Variants in MDGA2 observed in about 807,000 individuals in gnomAD.
The protein encoded by MDGA2 is MAM domain-containing glycosylphosphatidylinositol anchor protein 2.
Under a neutral mutation model 117.8 loss-of-function variants are expected in MDGA2, and 40 were observed. The observed-to-expected ratio is 0.34, with a 90% CI of 0.26 to 0.44. The LOEUF (loss-of-function observed/expected upper bound fraction) is 0.44. MDGA2 is among the 20% of genes least tolerant of loss of function. The probability of loss-of-function intolerance (pLI) is 1.00; values close to 1 mark genes in which losing one functional copy is unlikely to be tolerated. For synonymous variants in MDGA2, 452 were observed against 439.0 expected (o/e 1.03, Z -0.37); for missense variants, 1,123 against 1,250.6 (o/e 0.90, Z 1.54).
At chr14:47,065,509 G>C (rs1459730396) in intron 6 of MDGA2, among the ~76,000 whole-genome samples, 3 of 152,144 alleles carry the variant, frequency 2.0e-5, no homozygotes, top group Non-Finnish European at 4.4e-5. Context: ...GCTTGAAAGA[G>C]GGAACATTGC....
At position 47,457,838 on chromosome 14, in the gene MDGA2, T is replaced by C. The variant is rs563978010; in HGVS notation, c.281-156288A>G. 9.9e-5 allele frequency among the ~76,000 whole-genome samples: 15 copies of C among 151,434 alleles called. No individual in the cohort carries two copies. The East Asian group carries it at 2.9e-3, about 29-fold the overall frequency. ...TTTTTTTTTTTTGTTTGTTTATTTG[T>C]TTGTTTAACTTTTATTATTTTTCTA... On this transcript the variant is annotated intron_variant, in intron 1 of 16. Transcript: ENST00000399232.
intron 2 of MDGA2, among the ~76,000 whole-genome samples, chr14:47,288,631 G>T (rs72682117): frequency 0.091 from 13,839 of 151,966 alleles, 776 homozygotes; most frequent in Non-Finnish European, 0.11. Flanking sequence ...ACAAGAAGCA[G>T]AAAAAGGAAG....
Position 47,218,032 on chromosome 14 carries a change from A to G in MDGA2, c.584T>C (p.Val195Ala), listed in dbSNP as rs1190584792. 1 of 1,548,496 alleles carries G rather than the reference A, an allele frequency of 6.5e-7. No individual in the cohort carries two copies. Among genetic ancestry groups the G allele is most frequent in the Non-Finnish European group, 8.7e-7 (1 of 1,145,342 alleles). ...GAAAATTTACTTACAGTATACATCC[A>G]CTCTGATTGACTTTATCGCTGGAGA... Reference protein sequence around the residue: ...LGSPAIKSIRVDVYYLDDPVV... With the variant: ...LGSPAIKSIRADVYYLDDPVV... Residue 195 changes from valine (V) to alanine (A), a missense_variant, in exon 3 of 17, where the codon GTG becomes GCG. Transcript: ENST00000399232.
At chr14:47,089,844 T>G (rs747564892) in intron 6 of MDGA2, among the ~76,000 whole-genome samples, 1 of 117,708 alleles carries the variant, frequency 8.5e-6, no homozygotes, top group Non-Finnish European at 1.7e-5. Flanking sequence ...CCCGGCCTTC[T>G]GTTTTACTTC....
intron 3 of MDGA2, among the ~76,000 whole-genome samples, chr14:47,156,281 G>C (rs1273780900): frequency 1.3e-5 from 2 of 152,126 alleles, no homozygotes; most frequent in East Asian, 3.9e-4. Flanking sequence ...TTCTAGGCTA[G>C]AAAACTTAAA....
At position 47,464,535 on chromosome 14, in the gene MDGA2, A is replaced by G. The variant is rs150259234; in HGVS notation, c.281-162985T>C. Among the ~76,000 whole-genome samples the G allele has an allele frequency of 3.5e-4, 53 of 152,238 alleles. No individual in the cohort carries two copies. The East Asian group carries it at 9.1e-3, about 26-fold the overall frequency. Reference sequence around the variant, plus strand: ...AAATCATCAGCCTGCCTATGCATCAACAACAGCCAAATGAGAGCGAAATCA... The same window carrying G: ...AAATCATCAGCCTGCCTATGCATCAGCAACAGCCAAATGAGAGCGAAATCA... On this transcript the variant is annotated intron_variant, in intron 1 of 16. Coordinates refer to ENST00000399232, the MANE Select transcript of MDGA2 (RefSeq NM_001113498.3).
At chr14:47,383,343 A>T (rs570967306) in intron 1 of MDGA2, among the ~76,000 whole-genome samples, 1 of 152,240 alleles carries the variant, frequency 6.6e-6, no homozygotes, top group African/African-American at 2.4e-5. Context: ...CTTAAAGTAC[A>T]ATTAAAAAAA....
chr14:46,988,984 A>T (rs539328934), intron 8 of MDGA2, among the ~76,000 whole-genome samples: 1 of 152,044 alleles, frequency 6.6e-6, no homozygotes, highest in East Asian at 1.9e-4. Context: ...AAGAAAGCAT[A>T]TCCATGGCAT....
chr14:47,493,195 T>C (rs904694192), intron 1 of MDGA2, among the ~76,000 whole-genome samples: 3 of 151,514 alleles, frequency 2.0e-5, no homozygotes, highest in Non-Finnish European at 2.9e-5. Context: ...AGCCATCCAG[T>C]TATTCCCCAT....
chr14:47,648,911 A>AT (rs1218586001), intron 1 of MDGA2, among the ~76,000 whole-genome samples: 1 of 152,172 alleles, frequency 6.6e-6, no homozygotes, highest in African/African-American at 2.4e-5. Flanking sequence ...GAGAAGAGAT[A>AT]ATACATTTTT....
At chr14:47,380,191 T>A (rs965609062) in intron 1 of MDGA2, among the ~76,000 whole-genome samples, 21 of 152,214 alleles carry the variant, frequency 1.4e-4, no homozygotes, top group Middle Eastern at 3.4e-3. Context: ...AGACACAACA[T>A]ACGAGAACCT....
chr14:47,214,085 G>A (rs562434767), intron 3 of MDGA2, among the ~76,000 whole-genome samples: 197 of 152,182 alleles, frequency 1.3e-3, no homozygotes, highest in Non-Finnish European at 2.2e-3. Flanking sequence ...CTGCATGGAA[G>A]AGACCACCTG....
At chr14:47,612,994 T>G (rs1459329671) in intron 1 of MDGA2, among the ~76,000 whole-genome samples, 1 of 152,186 alleles carries the variant, frequency 6.6e-6, no homozygotes, top group Non-Finnish European at 1.5e-5. Context: ...TTTCTTTCCC[T>G]TATTGCGGGT....
intron 8 of MDGA2, among the ~76,000 whole-genome samples, chr14:46,960,929 T>A (rs111257475): frequency 0.11 from 16,026 of 143,686 alleles, 1,598 homozygotes; most frequent in African/African-American, 0.25. Flanking sequence ...TATACATATA[T>A]GTGTATGCGT....
At chr14:47,500,810 T>TA (rs902616038) in intron 1 of MDGA2, among the ~76,000 whole-genome samples, 2 of 152,000 alleles carry the variant, frequency 1.3e-5, no homozygotes, top group Admixed American at 6.6e-5. Context: ...CAAAGTTGGT[T>TA]AAAAAAAGAA....
intron 6 of MDGA2, among the ~76,000 whole-genome samples, chr14:47,080,023 G>GCA (rs1255886504): frequency 2.6e-5 from 4 of 152,110 alleles, no homozygotes; most frequent in African/African-American, 9.7e-5. Context: ...GAGCCACCGT[G>GCA]CCCGGCCTTT....
intron 1 of MDGA2, among the ~76,000 whole-genome samples, chr14:47,662,818 G>A (rs565426410): frequency 6.6e-6 from 1 of 152,246 alleles, no homozygotes; most frequent in South Asian, 2.1e-4. Flanking sequence ...ATGTCATTAT[G>A]GAGTTTATAA....
At chr14:46,979,607 T>A (rs1349544584) in intron 8 of MDGA2, among the ~76,000 whole-genome samples, 1 of 152,156 alleles carries the variant, frequency 6.6e-6, no homozygotes, top group Non-Finnish European at 1.5e-5. Flanking sequence ...ATTGCTGATA[T>A]GGAGAAAATT....
chr14:47,407,691 T>C (rs1892285970), intron 1 of MDGA2, among the ~76,000 whole-genome samples: 1 of 152,198 alleles, frequency 6.6e-6, no homozygotes, highest in South Asian at 2.1e-4. Flanking sequence ...GTGTTAATTA[T>C]TTTTTTCTGA....
Sources: gnomAD v4.1 joint callset for allele counts (sites outside exome capture counted in the v4.1 genomes callset) on GRCh38, gnomAD v4.1.1 for gene constraint, MANE v1.5 for transcripts, NCBI Gene and HGNC (gene_info 2026-07-23, HGNC 2026-07-21) for gene names.